The following CEACAM3 variants were observed in gnomAD, a reference collection of about 807,000 sequenced individuals.
The protein encoded by CEACAM3 is CEA cell adhesion molecule 3.
A neutral mutation model predicts 30.1 loss-of-function variants in CEACAM3; 32 were observed. The observed-to-expected ratio is 1.06, with a 90% CI of 0.80 to 1.43. CEACAM3 has a LOEUF of 1.43. Ranked by LOEUF, CEACAM3 falls within the 40% of genes most tolerant of loss-of-function variation. The probability of loss-of-function intolerance (pLI) is 0.00; values close to 1 mark genes in which losing one functional copy is unlikely to be tolerated. For missense variants in CEACAM3, 290 were observed against 316.3 expected (o/e 0.92, Z 0.63); for synonymous variants, 134 against 127.2 (o/e 1.05, Z -0.36).
chr19:41,799,227 C>T (rs1449867214), intron 2 of CEACAM3, among the ~76,000 whole-genome samples: 2 of 152,184 alleles, frequency 1.3e-5, no homozygotes, highest in African/African-American at 4.8e-5. Flanking sequence ...GGCTGTTTCT[C>T]ATGAGTGGCT....
intron 2 of CEACAM3, chr19:41,807,131 A>G (rs781905891): frequency 7.5e-6 from 12 of 1,609,906 alleles, no homozygotes; most frequent in Non-Finnish European, 9.3e-6. Context: ...CAAGCCCTCC[A>G]TCTCCAGCAA....
In CEACAM3 at chr19:41,811,152, C is replaced by T; in HGVS notation, c.694-20C>T. On this transcript the variant is annotated intron_variant, in intron 6 of 6. Coordinates refer to ENST00000357396, the MANE Select transcript of CEACAM3 (RefSeq NM_001815.5). ...TCTGAGGAGACTAGAGGGGTCCAGG[C>T]CTCTTCTCTGTTTTAACAGGAATTG... 1 of 1,613,390 alleles carries T rather than the reference C, an allele frequency of 6.2e-7. No individual in the cohort carries two copies. Among genetic ancestry groups the T allele is most frequent in the Non-Finnish European group, 8.5e-7 (1 of 1,179,342 alleles).
At chr19:41,803,443 TG>T (rs2073169325) in intron 2 of CEACAM3, among the ~76,000 whole-genome samples, 4 of 139,588 alleles carry the variant, frequency 2.9e-5, no homozygotes, top group South Asian at 2.5e-4. Context: ...TGTGTGTGTG[TG>T]TGTGTGTGTG....
intron 6 of CEACAM3, 24 bp downstream of exon 6, chr19:41,810,921 T>G (rs768654800): frequency 1.0e-4 from 165 of 1,606,366 alleles, no homozygotes; most frequent in Non-Finnish European, 1.3e-4. Context: ...ACGGATGTTC[T>G]GGTCCCACAG....
intron 3 of CEACAM3, 84 bp downstream of exon 3, chr19:41,809,014 G>A: frequency 1.0e-6 from 1 of 1,004,104 alleles, no homozygotes; most frequent in Non-Finnish European, 1.5e-6. Flanking sequence ...TGTATTCAGG[G>A]CCAGGCTCTC....
intron 3 of CEACAM3, 138 bp downstream of exon 3, chr19:41,809,068 G>A (rs1052643903): frequency 5.2e-5 from 33 of 637,276 alleles, no homozygotes; most frequent in African/African-American, 4.4e-4. Context: ...CTTATTCCAC[G>A]GCTCCTCCCT....
At chr19:41,808,018 TCA>T (rs2073217517) in intron 2 of CEACAM3, among the ~76,000 whole-genome samples, 1 of 152,160 alleles carries the variant, frequency 6.6e-6, no homozygotes, top group Admixed American at 6.5e-5. Context: ...GTCAAGACAA[TCA>T]CAGTCTCTGC....
intron 6 of CEACAM3, 92 bp from the exon 7 acceptor site, chr19:41,811,079 CA>C: frequency 7.0e-7 from 1 of 1,432,100 alleles, no homozygotes; most frequent in East Asian, 2.3e-5. Flanking sequence ...GGTTCAGCCC[CA>C]GAGCAGCCCT....
intron 2 of CEACAM3, among the ~76,000 whole-genome samples, chr19:41,806,277 A>C (rs1600520676): frequency 6.6e-6 from 1 of 151,840 alleles, no homozygotes; most frequent in Admixed American, 6.6e-5. Flanking sequence ...TGATCTGCCC[A>C]CCTCGGCCTC....
Position 41,799,511 on chromosome 19 carries a change from A to G in CEACAM3, c.424+1563A>G, listed in dbSNP as rs145388310. Among the ~76,000 whole-genome samples the G allele has an allele frequency of 3.9e-5, 6 of 152,294 alleles. No homozygotes were observed. In the East Asian group the frequency reaches 1.2e-3, roughly 29 times the overall value. ...ATTACCCAGCCTCAGACATTTCCTTATAGTAACAAAAAATAGCCTAACACA... is the reference window on the plus strand; with the variant it reads ...ATTACCCAGCCTCAGACATTTCCTTGTAGTAACAAAAAATAGCCTAACACA... On this transcript the variant is annotated intron_variant, in intron 2 of 6. Transcript: ENST00000357396.
intron 1 of CEACAM3, 108 bp from the exon 2 acceptor site, chr19:41,797,481 T>A (rs2073110783): frequency 1.4e-6 from 2 of 1,419,548 alleles, no homozygotes; most frequent in African/African-American, 2.9e-5. Flanking sequence ...GGGACACACA[T>A]ACACTCTCCA....
rs113865779 is a variant in CEACAM3, at chr19:41,807,224, G to A, written c.425-1589G>A. On this transcript the variant is annotated intron_variant, in intron 2 of 6. Coordinates refer to ENST00000357396, the MANE Select transcript of CEACAM3 (RefSeq NM_001815.5). Reference sequence around the variant, plus strand: ...TCACAGCACAACCTGCCTGTAGTGGGTAAATGGTCAGAGCCTCCCGGTCAG... The same window carrying A: ...TCACAGCACAACCTGCCTGTAGTGGATAAATGGTCAGAGCCTCCCGGTCAG... 6.2e-4 allele frequency: 997 copies of A among 1,609,588 alleles called. 2 individuals are homozygous for A. In the African/African-American group the frequency reaches 0.011, roughly 18 times the overall value.
rs1024592532 is a variant in CEACAM3, at chr19:41,810,871, C to T, written c.667C>T (p.Pro223Ser). The T allele has an allele frequency of 1.2e-6, 2 of 1,613,596 alleles. No homozygotes were observed. Among genetic ancestry groups the T allele is most frequent in the African/African-American group, 2.7e-5 (2 of 74,888 alleles). ...CACTGCCCAGGCCCCCCTACCCAAC[C>T]CCAGGACAGCAGCTTCCATCTATGA... ...LSTAQAPLPN[P>S]RTAASIYEEL... The change falls in exon 6 of 7, where the codon CCC becomes TCC. Residue 223 changes from proline (P) to serine (S), a missense_variant. Coordinates refer to ENST00000357396, the MANE Select transcript of CEACAM3 (RefSeq NM_001815.5).
In CEACAM3 at chr19:41,811,470, G is replaced by A. The variant is rs540762224; in HGVS notation, c.*233G>A. 23 of 521,700 alleles carry A rather than the reference G, an allele frequency of 4.4e-5. No individual in the cohort carries two copies. Among genetic ancestry groups the A allele is most frequent in the South Asian group, 2.4e-4 (9 of 37,922 alleles). 32.3% of individuals were successfully genotyped at this position (521,700 alleles called of 1,614,324 possible). A position where few individuals can be genotyped will look rare whatever the true frequency, so the allele number is the denominator to read the frequency against. On this transcript the variant is annotated 3_prime_UTR_variant, in exon 7 of 7. Transcript: ENST00000357396. ...AAGGCCTCTCATCACCGCAGAAAGC[G>A]GGGGCTTGCAGGGAAAGTGAATGGG...
intron 2 of CEACAM3, among the ~76,000 whole-genome samples, chr19:41,804,332 A>G (rs1754341543): frequency 6.6e-6 from 1 of 151,960 alleles, no homozygotes; most frequent in South Asian, 2.1e-4. Flanking sequence ...TCGGGTGGGG[A>G]GATGCACCAG....
chr19:41,805,955 T>C (rs2073194853), intron 2 of CEACAM3, among the ~76,000 whole-genome samples: 1 of 152,232 alleles, frequency 6.6e-6, no homozygotes. Flanking sequence ...AGCTCCTGCA[T>C]GTCCCCGCCC....
chr19:41,797,237 G>A (rs1555825329), intron 1 of CEACAM3: 2 of 285,312 alleles, frequency 7.0e-6, no homozygotes, highest in Non-Finnish European at 1.3e-5. Context: ...GAGTTCAGGT[G>A]TTGACAAGAG....
intron 2 of CEACAM3, among the ~76,000 whole-genome samples, chr19:41,798,366 C>T (rs1162734614): frequency 1.3e-5 from 2 of 152,184 alleles, no homozygotes; most frequent in African/African-American, 4.8e-5. Context: ...AGATTCCTGA[C>T]TCCAGGTGAC....
chr19:41,803,211 C>A (rs1373920760), intron 2 of CEACAM3, among the ~76,000 whole-genome samples: 2 of 152,110 alleles, frequency 1.3e-5, no homozygotes, highest in Non-Finnish European at 2.9e-5. Context: ...AGACCCCATG[C>A]AGGAACAGAT....
Sources: gnomAD v4.1 joint callset for allele counts (sites outside exome capture counted in the v4.1 genomes callset) on GRCh38, gnomAD v4.1.1 for gene constraint, MANE v1.5 for transcripts, NCBI Gene and HGNC (gene_info 2026-07-23, HGNC 2026-07-21) for gene names.